GIT2: variants seen among roughly 807,000 people sequenced by gnomAD.
GIT2 encodes ARF GTPase-activating protein GIT2.
Under a neutral mutation model 100.3 loss-of-function variants are expected in GIT2, and 32 were observed. The observed-to-expected ratio is 0.32, with a 90% CI of 0.24 to 0.43. GIT2 has a LOEUF of 0.43. GIT2 is among the 20% of genes least tolerant of loss of function. The pLI is 1.00. For missense variants in GIT2, 737 were observed against 975.1 expected, an observed-to-expected ratio of 0.76 and a Z score of 3.25; for synonymous variants, 353 against 364.1, an observed-to-expected ratio of 0.97 and a Z score of 0.35.
chr12:109,944,513 G>A (rs1009101493), intron 16 of GIT2, among the ~76,000 whole-genome samples: 1 of 152,216 alleles, frequency 6.6e-6, no homozygotes, highest in African/African-American at 2.4e-5. Context: ...TTTGGGAGCA[G>A]GGGCTGTGCC....
At chr12:109,969,887 C>G (rs754769108) in intron 7 of GIT2, among the ~76,000 whole-genome samples, 12 of 151,974 alleles carry the variant, frequency 7.9e-5, no homozygotes, top group Non-Finnish European at 1.5e-4. Context: ...TCCTGAGTAG[C>G]TGGGACTACA....
At chr12:109,982,997 C>T (rs1476280131) in intron 6 of GIT2, 3 of 170,884 alleles carry the variant, frequency 1.8e-5, no homozygotes, top group African/African-American at 7.2e-5. Context: ...TAACTTTTTA[C>T]TATACTTGTT....
At chr12:109,954,946 T>C (rs1470355798) in intron 12 of GIT2, among the ~76,000 whole-genome samples, 1 of 151,978 alleles carries the variant, frequency 6.6e-6, no homozygotes, top group East Asian at 1.9e-4. Flanking sequence ...CTATTTTAAC[T>C]GTTTAAATAT....
Position 109,948,757 on chromosome 12 carries a change from C to G in GIT2, c.1393-1253G>C. On this transcript the variant is annotated intron_variant, in intron 14 of 19. Transcript: ENST00000355312. The surrounding 1 kb of genome is among the most constrained non-coding windows in gnomAD (Gnocchi z 4.3). ...CAAACCCATTCAATGTTAGGAGTTA[C>G]TTTCAATTTTTATTTAGAAAGCACC... 6.4e-7 allele frequency: 1 copy of G among 1,574,478 alleles called. No individual in the cohort carries two copies. The highest frequency in any genetic ancestry group is 8.6e-7 in the Non-Finnish European group (1 of 1,165,782).
At chr12:109,992,477 C>G (rs887871567) in intron 1 of GIT2, among the ~76,000 whole-genome samples, 1 of 151,966 alleles carries the variant, frequency 6.6e-6, no homozygotes, top group African/African-American at 2.4e-5. Flanking sequence ...GTGAATTATG[C>G]AGATAGCATT....
At position 109,938,178 on chromosome 12, in the gene GIT2, G is replaced by GA. The variant is rs1003039614; in HGVS notation, c.2003+201dup. On this transcript the variant is annotated intron_variant, in intron 18 of 19. Transcript: ENST00000355312. ...TATTTTCGGAGCTTCGTAACAAGATGAAAAAAAAGAAAATACCATGTAAAT... is the reference window on the plus strand; with the variant it reads ...TATTTTCGGAGCTTCGTAACAAGATGAAAAAAAAAGAAAATACCATGTAAAT... 3.3e-5 allele frequency among the ~76,000 whole-genome samples: 5 copies of GA among 151,532 alleles called. No homozygotes were observed. In the East Asian group the frequency reaches 7.7e-4, roughly 23 times the overall value.
chr12:109,941,559 T>G (rs544806781), intron 16 of GIT2, among the ~76,000 whole-genome samples: 20 of 152,034 alleles, frequency 1.3e-4, no homozygotes, highest in Non-Finnish European at 2.8e-4. Context: ...AGTTTCACTC[T>G]TGTTGCCTGT....
At chr12:109,999,552 G>A (rs1352302646), upstream of GIT2, 4 of 588,474 alleles carry the variant, frequency 6.8e-6, no homozygotes, top group Non-Finnish European at 9.9e-6. The surrounding 1 kb of genome is among the most constrained non-coding windows in gnomAD (Gnocchi z 4.3). Flanking sequence ...GCACCCGACC[G>A]GCTCAGCCGG....
Position 109,947,879 on chromosome 12 carries a change from C to T in GIT2, c.1393-375G>A, listed in dbSNP as rs1007165066. On this transcript the variant is annotated intron_variant, in intron 14 of 19. Transcript: ENST00000355312. This position sits in a 1 kb window ranked among gnomAD's most constrained non-coding sequence, Gnocchi z 4.3. ...AAGCAAGAGTTCGAGATCATTAAAACATCATTTAGGTAACTTGCTTTTCAA... is the reference window on the plus strand; with the variant it reads ...AAGCAAGAGTTCGAGATCATTAAAATATCATTTAGGTAACTTGCTTTTCAA... The T allele has an allele frequency of 5.6e-6, 1 of 179,020 alleles. No homozygotes were observed. The highest frequency in any genetic ancestry group is 5.9e-5 in the Admixed American group (1 of 16,972). The allele number at this position is 179,020 out of a possible 1,614,324, so 11.1% of individuals were successfully genotyped here.
At chr12:109,943,884 G>A (rs1462171225) in intron 16 of GIT2, among the ~76,000 whole-genome samples, 1 of 151,950 alleles carries the variant, frequency 6.6e-6, no homozygotes, top group African/African-American at 2.4e-5. Context: ...ATAGAGATGG[G>A]ATTTCGCCAT....
chr12:109,938,982 C>T (rs1054208336), intron 17 of GIT2, 183 bp downstream of exon 17: 8 of 579,440 alleles, frequency 1.4e-5, no homozygotes, highest in Admixed American at 3.0e-5. Flanking sequence ...AAAGGCCTTT[C>T]GGCAACAATG....
intron 7 of GIT2, among the ~76,000 whole-genome samples, chr12:109,968,617 T>A (rs1040063459): frequency 6.6e-6 from 1 of 152,108 alleles, no homozygotes; most frequent in African/African-American, 2.4e-5. Flanking sequence ...AAGATGGGGT[T>A]TCTCCACGTT....
chr12:109,977,227 A>T (rs906169657), intron 7 of GIT2, among the ~76,000 whole-genome samples: 1 of 152,174 alleles, frequency 6.6e-6, no homozygotes, highest in Non-Finnish European at 1.5e-5. Context: ...ATGAGAAAAA[A>T]TAATAATAAT....
intron 7 of GIT2, among the ~76,000 whole-genome samples, chr12:109,975,361 A>G (rs1025205767): frequency 2.0e-5 from 3 of 151,954 alleles, no homozygotes; most frequent in African/African-American, 7.3e-5. Context: ...ATGCACCACC[A>G]TGCCTGGCTG....
At chr12:109,941,113 A>G (rs1374502665) in intron 16 of GIT2, among the ~76,000 whole-genome samples, 1 of 152,104 alleles carries the variant, frequency 6.6e-6, no homozygotes, top group African/African-American at 2.4e-5. Flanking sequence ...GAGGTCTTCC[A>G]TCCACACCTC....
Position 109,983,140 on chromosome 12 carries a change from T to C in GIT2, c.623+233A>G, listed in dbSNP as rs2136820287. On this transcript the variant is annotated intron_variant, in intron 6 of 19. Coordinates refer to ENST00000355312, the MANE Select transcript of GIT2 (RefSeq NM_057169.5). ...GACTACAGCTCAAACATCACTGTGT[T>C]ATAAAGGATCAAGTAAAAGACTGGA... 2.6e-5 allele frequency: 12 copies of C among 453,086 alleles called. No individual in the cohort carries two copies. The South Asian group carries it at 3.8e-4, about 14-fold the overall frequency. 28.1% of individuals were successfully genotyped at this position (453,086 alleles called of 1,614,324 possible).
chr12:109,953,926 A>G (rs1468470687), intron 12 of GIT2: 4 of 152,252 alleles, frequency 2.6e-5, no homozygotes, highest in Non-Finnish European at 4.4e-5. Flanking sequence ...CTGTAATTCT[A>G]TGAATACCTA....
At chr12:109,954,600 T>C (rs1267873498) in intron 12 of GIT2, 2 of 151,924 alleles carry the variant, frequency 1.3e-5, no homozygotes, top group Non-Finnish European at 2.9e-5. Flanking sequence ...GGTGGTTATT[T>C]AAAAAGACTA....
chr12:109,939,185 G>A lies in GIT2; in HGVS notation c.1794C>T (p.Asp598=), dbSNP rs754735229. The A allele has an allele frequency of 1.2e-6, 2 of 1,609,506 alleles. No homozygotes were observed. Among genetic ancestry groups the A allele is most frequent in the South Asian group, 1.1e-5 (1 of 91,030 alleles). Residue 598 remains aspartate, a synonymous_variant, in exon 17 of 20, where the codon GAC becomes GAT. Coordinates refer to ENST00000355312, the MANE Select transcript of GIT2 (RefSeq NM_057169.5). The part of the protein sequence containing the change: ...PESDYDNTPN[D]MEPDGMGSSR... ...TGTACCCCATGCCATCTGGCTCCAT[G>A]TCGTTGGGAGTGTTGTCGTAGTCAC...
Sources: allele counts gnomAD v4.1 joint callset (sites outside exome capture counted in the v4.1 genomes callset), GRCh38; gene constraint gnomAD v4.1.1; non-coding constraint Gnocchi (gnomAD v3.1); transcripts MANE v1.5; gene names NCBI Gene and HGNC (gene_info 2026-07-23, HGNC 2026-07-21).